RBFOX1: variants seen among roughly 807,000 people sequenced by gnomAD.
The protein encoded by RBFOX1 is RNA binding protein fox-1 homolog 1.
RBFOX1 carries 8 observed loss-of-function variants against 57.7 expected under a neutral mutation model. That is an observed-to-expected ratio of 0.14 (90% CI 0.08 to 0.25). The LOEUF is 0.25. RBFOX1 is among the 10% of genes least tolerant of loss of function. The probability of loss-of-function intolerance (pLI) is 1.00; values close to 1 mark genes in which losing one functional copy is unlikely to be tolerated. For synonymous variants in RBFOX1, 326 were observed against 222.4 expected, an observed-to-expected ratio of 1.47 and a Z score of -4.15; for missense variants, 611 against 548.5, an observed-to-expected ratio of 1.11 and a Z score of -1.14.
chr16:7,166,098 C>A (rs1295992707), intron 4 of RBFOX1, among the ~76,000 whole-genome samples: 4 of 152,140 alleles, frequency 2.6e-5, no homozygotes, highest in Non-Finnish European at 4.4e-5. Context: ...ACTGTAACTT[C>A]TGCCTCCGGG....
rs1263581654 is a variant in RBFOX1 at position 7,292,222 on chromosome 16, TGATATAG to T, written c.28-225924_28-225918del. On this transcript the variant is annotated intron_variant, in intron 4 of 15. Coordinates refer to ENST00000550418, the MANE Select transcript of RBFOX1 (RefSeq NM_018723.4). The stretch of plus-strand genomic sequence containing the variant: ...TATTATATATCATATATATGATATA[TGATATAG>T]AACGTATTATATATCATATATATGA... Among the ~76,000 whole-genome samples the T allele has an allele frequency of 7.7e-4, 96 of 124,558 alleles. 1 individual carries two copies. Among genetic ancestry groups the T allele is most frequent in the Non-Finnish European group, 1.2e-3 (73 of 63,316 alleles). The allele number at this position is 124,558 out of a possible 152,430, so 81.7% of individuals were successfully genotyped here.
intron 3 of RBFOX1, among the ~76,000 whole-genome samples, chr16:6,934,076 G>A (rs1229660718): frequency 7.2e-5 from 11 of 152,132 alleles, no homozygotes; most frequent in Middle Eastern, 3.2e-3. Context: ...GTAGGCGTAC[G>A]ACAGCAGCAT....
intron 4 of RBFOX1, among the ~76,000 whole-genome samples, chr16:7,109,310 A>G (rs1430543922): frequency 3.9e-5 from 6 of 152,176 alleles, no homozygotes; most frequent in East Asian, 1.9e-4. Context: ...TCCCTTGACC[A>G]TGCCGTGAAA....
intron 14 of RBFOX1, among the ~76,000 whole-genome samples, chr16:7,704,261 A>G (rs1311859738): frequency 6.6e-6 from 1 of 152,220 alleles, no homozygotes; most frequent in Non-Finnish European, 1.5e-5. Flanking sequence ...TGATGGTTGC[A>G]AGCCATGGTG....
At chr16:7,390,027 A>G (rs1409901579) in intron 4 of RBFOX1, among the ~76,000 whole-genome samples, 1 of 152,182 alleles carries the variant, frequency 6.6e-6, no homozygotes, top group Non-Finnish European at 1.5e-5. Flanking sequence ...GAAACTTATA[A>G]TCATGGCAGA....
intron 5 of RBFOX1, among the ~76,000 whole-genome samples, chr16:7,577,232 T>A (rs1014295166): frequency 6.6e-6 from 1 of 152,256 alleles, no homozygotes; most frequent in African/African-American, 2.4e-5. Context: ...ACTCCTGCTG[T>A]GACCCTTAGG....
rs142755951 is a variant in RBFOX1, at chr16:5,595,934, A to G, written c.259-2968A>G. ...TGTAAAAGTGGCAGGAAGGGCAGAA[A>G]AAGTCTCTTGAGAAGAGCAGATTGA... is the stretch of plus-strand genomic sequence containing the variant. On this transcript the variant is annotated intron_variant, in intron 2 of 2. Coordinates refer to the RBFOX1 transcript ENST00000585867. 4.8e-3 allele frequency among the ~76,000 whole-genome samples: 733 copies of G among 152,286 alleles called. 5 individuals are homozygous for G. Among genetic ancestry groups the G allele is most frequent in the Middle Eastern group, 0.01 (3 of 294 alleles).
exon 3 of RBFOX1, chr16:5,599,435 C>T (rs2047294060): frequency 1.8e-6 from 1 of 559,554 alleles, no homozygotes; most frequent in South Asian, 2.5e-5. Flanking sequence ...GGGATGATGG[C>T]AGTGAATTCC....
At chr16:7,647,207 G>C (rs550770930) in intron 11 of RBFOX1, among the ~76,000 whole-genome samples, 1 of 152,278 alleles carries the variant, frequency 6.6e-6, no homozygotes, top group East Asian at 1.9e-4. Flanking sequence ...TATAAATCTA[G>C]CTGAAGGGTG....
chr16:5,984,442 C>G (rs191345691), intron 4 of RBFOX1, among the ~76,000 whole-genome samples: 1 of 151,450 alleles, frequency 6.6e-6, no homozygotes, highest in Non-Finnish European at 1.5e-5. Flanking sequence ...ATTAATTTAC[C>G]AAATTATTAT....
intron 1 of RBFOX1, among the ~76,000 whole-genome samples, chr16:6,254,443 T>C (rs1214781408): frequency 6.6e-6 from 1 of 152,204 alleles, no homozygotes; most frequent in Non-Finnish European, 1.5e-5. Context: ...TTAAATCTTT[T>C]ATTTTCAAAG....
intron 3 of RBFOX1, among the ~76,000 whole-genome samples, chr16:6,851,026 T>C (rs2094030509): frequency 6.6e-6 from 1 of 152,120 alleles, no homozygotes; most frequent in Non-Finnish European, 1.5e-5. Context: ...CACTGTGGAA[T>C]ACTATGTAGC....
At chr16:6,644,279 C>T (rs2098515908) in intron 2 of RBFOX1, among the ~76,000 whole-genome samples, 2 of 152,144 alleles carry the variant, frequency 1.3e-5, no homozygotes, top group African/African-American at 4.8e-5. Flanking sequence ...GAAAGCTTGC[C>T]TTTGCAAAGG....
intron 3 of RBFOX1, among the ~76,000 whole-genome samples, chr16:6,734,326 C>G (rs867580533): frequency 7.2e-5 from 11 of 152,196 alleles, no homozygotes; most frequent in African/African-American, 2.7e-4. Context: ...GGCAAAAAGA[C>G]TATCCTCTGG....
intron 2 of RBFOX1, among the ~76,000 whole-genome samples, chr16:6,317,661 AT>A (rs542765747): frequency 6.6e-6 from 1 of 152,076 alleles, no homozygotes; most frequent in Non-Finnish European, 1.5e-5. Context: ...CAAGGACTTT[AT>A]TTTTGGTGAA....
intron 14 of RBFOX1, among the ~76,000 whole-genome samples, chr16:7,698,094 GT>G (rs923524828): frequency 6.6e-6 from 1 of 152,076 alleles, no homozygotes; most frequent in Non-Finnish European, 1.5e-5. Flanking sequence ...TTTGCTGAAA[GT>G]TAGTGGCTGA....
intron 2 of RBFOX1, among the ~76,000 whole-genome samples, chr16:5,490,608 G>C (rs954205927): frequency 1.3e-5 from 2 of 152,142 alleles, no homozygotes; most frequent in Admixed American, 1.3e-4. Flanking sequence ...TGATGAGTGT[G>C]GCCCAGCCCT....
At chr16:7,260,928 T>C (rs1447557662) in intron 4 of RBFOX1, among the ~76,000 whole-genome samples, 1 of 152,214 alleles carries the variant, frequency 6.6e-6, no homozygotes. Flanking sequence ...CGGTGAATGC[T>C]AGGCTCTGGC....
intron 4 of RBFOX1, among the ~76,000 whole-genome samples, chr16:5,955,913 A>G (rs1339442439): frequency 6.6e-6 from 1 of 152,230 alleles, no homozygotes; most frequent in Non-Finnish European, 1.5e-5. Flanking sequence ...ACACTTAAAA[A>G]TGTGATAATA....
Sources: allele counts gnomAD v4.1 joint callset (sites outside exome capture counted in the v4.1 genomes callset), GRCh38; gene constraint gnomAD v4.1.1; transcripts MANE v1.5; gene names NCBI Gene and HGNC (gene_info 2026-07-23, HGNC 2026-07-21).